Variants in CD44 observed in about 807,000 individuals in gnomAD.
CD44 encodes the protein CD44 antigen.
In CD44, 49 loss-of-function variants were observed where a neutral mutation model predicts 88.8. The ratio of observed to expected loss-of-function variants is 0.55; its 90% CI spans 0.44 to 0.70. The LOEUF (loss-of-function observed/expected upper bound fraction) is 0.70. Among genes scored for constraint, CD44 ranks in the 30% least tolerant of loss-of-function variants. The pLI, the probability that CD44 is intolerant of heterozygous loss-of-function variation, is 0.00. For synonymous variants in CD44, 325 were observed against 312.3 expected, an observed-to-expected ratio of 1.04 and a Z score of -0.43; for missense variants, 883 against 913.8, an observed-to-expected ratio of 0.97 and a Z score of 0.43.
chr11:35,195,175 G>C (rs1946617298), intron 5 of CD44, among the ~76,000 whole-genome samples: 1 of 152,188 alleles, frequency 6.6e-6, no homozygotes, highest in Non-Finnish European at 1.5e-5. Flanking sequence ...GTAAATATGG[G>C]AGATTACAAG....
At position 35,191,073 on chromosome 11, in the gene CD44, C is replaced by T. The variant is rs147294420; in HGVS notation, c.667+1008C>T. On this transcript the variant is annotated intron_variant, in intron 5 of 17. Transcript: ENST00000428726. ...AATCAAACTCAAATAGGGCATCTGC[C>T]TCTGGAGCGGTTTTCCTAGTATGGT... Among the ~76,000 whole-genome samples, 765 of 152,296 alleles carry T rather than the reference C, an allele frequency of 5.0e-3. 5 individuals carry two copies. The highest frequency in any genetic ancestry group is 0.018 in the African/African-American group (729 of 41,562).
chr11:35,169,861 G>A (rs1943687587), intron 1 of CD44, among the ~76,000 whole-genome samples: 2 of 152,214 alleles, frequency 1.3e-5, no homozygotes, highest in African/African-American at 4.8e-5. Flanking sequence ...GTAACCAGGA[G>A]CCTGAATAGG....
intron 15 of CD44, 182 bp from the exon 16 acceptor site, chr11:35,219,134 C>T (rs1565155207): frequency 1.7e-6 from 1 of 601,924 alleles, no homozygotes; most frequent in South Asian, 1.9e-5. Context: ...AAGCCTTAGC[C>T]TTAATCAAAT....
chr11:35,209,983 G>A lies in CD44; in HGVS notation c.1535G>A (p.Ser512Asn). Residue 512 changes from serine (S) to asparagine (N), a missense_variant, in exon 13 of 18, where the codon AGC becomes AAC. By Grantham distance (46) the Ser-to-Asn change is conservative. Transcript: ENST00000428726. ...SMTTQQSNSQ[S>N]FSTSHEGLEE... ...GAAACAGAGCAGAGTAATTCTCAGA[G>A]CTTCTCTACATCACATGAAGGCTTG... The A allele has an allele frequency of 3.2e-6, 5 of 1,576,752 alleles. No homozygotes were observed. The highest frequency in any genetic ancestry group is 4.3e-6 in the Non-Finnish European group (5 of 1,164,540).
intron 17 of CD44, among the ~76,000 whole-genome samples, chr11:35,223,896 A>G (rs185734702): frequency 9.8e-5 from 15 of 152,326 alleles, no homozygotes; most frequent in Admixed American, 9.8e-4. Flanking sequence ...TTGGTTGAAA[A>G]TGGGGCCTCC....
Position 35,189,842 on chromosome 11 carries a change from T to C in CD44, c.444T>C (p.Val148=). ...AFDGPITITI[V]NRDGTRYVQK... The stretch of plus-strand genomic sequence containing the variant: ...ACCTTTTCTCTCTCCCAGCTATTGT[T>C]AACCGTGATGGCACCCGCTATGTCC... Residue 148 remains valine (V), a synonymous_variant, in exon 5 of 18, where the codon GTT becomes GTC. Transcript: ENST00000428726. 6.2e-7 allele frequency: 1 copy of C among 1,612,458 alleles called. No homozygotes were observed. Among genetic ancestry groups the C allele is most frequent in the Non-Finnish European group, 8.5e-7 (1 of 1,178,798 alleles).
intron 4 of CD44, among the ~76,000 whole-genome samples, chr11:35,189,162 T>C (rs1330285876): frequency 5.9e-5 from 9 of 152,316 alleles, no homozygotes; most frequent in African/African-American, 2.2e-4. Flanking sequence ...AAACCACAGA[T>C]GTTGATCTTC....
At chr11:35,155,970 C>G (rs941262832) in intron 1 of CD44, among the ~76,000 whole-genome samples, 1 of 152,152 alleles carries the variant, frequency 6.6e-6, no homozygotes, top group African/African-American at 2.4e-5. Flanking sequence ...ATGACTTCTG[C>G]AAGGTTATGA....
Position 35,154,692 on chromosome 11 carries a change from T to C in CD44, c.67+15322T>C, listed in dbSNP as rs939133600. 7.9e-5 allele frequency among the ~76,000 whole-genome samples: 12 copies of C among 152,200 alleles called. No homozygotes were observed. The South Asian group carries it at 8.3e-4, about 10-fold the overall frequency. On this transcript the variant is annotated intron_variant, in intron 1 of 17. Coordinates refer to ENST00000428726, the MANE Select transcript of CD44 (RefSeq NM_000610.4). Reference sequence around the variant, plus strand: ...GGCAGGAGAGACAGAGATGGAGTTATAGGTATCATGATTGAACTTAAGCTA... The same window carrying C: ...GGCAGGAGAGACAGAGATGGAGTTACAGGTATCATGATTGAACTTAAGCTA...
chr11:35,165,995 A>G (rs930049820), intron 1 of CD44, among the ~76,000 whole-genome samples: 2 of 152,242 alleles, frequency 1.3e-5, no homozygotes, highest in Admixed American at 6.5e-5. Context: ...CAGAAACTGT[A>G]TATTGATTAG....
chr11:35,226,483 G>A (rs1228353044), intron 17 of CD44, among the ~76,000 whole-genome samples: 3 of 152,178 alleles, frequency 2.0e-5, no homozygotes, highest in Admixed American at 6.5e-5. Context: ...AAATAATAAC[G>A]AGGTAGGTGG....
At chr11:35,205,041 TG>T in intron 10 of CD44, 1 of 160,320 alleles carries the variant, frequency 6.2e-6, no homozygotes, top group Non-Finnish European at 1.4e-5. Flanking sequence ...GAAAGCATTT[TG>T]TCAGAACTCC....
At position 35,181,218 on chromosome 11, in the gene CD44, T is replaced by C. The variant is rs77960794; in HGVS notation, c.367+811T>C. On this transcript the variant is annotated intron_variant, in intron 3 of 17. Coordinates refer to ENST00000428726, the MANE Select transcript of CD44 (RefSeq NM_000610.4). ...GTATATGGTATGCCTTTGACCTTCT[T>C]AAATATCCCTTACCCAACAGTTGAA... 9.4e-3 allele frequency among the ~76,000 whole-genome samples: 1,436 copies of C among 152,216 alleles called. 7 individuals are homozygous for C. Among genetic ancestry groups the C allele is most frequent in the Non-Finnish European group, 0.015 (1,030 of 68,012 alleles).
intron 2 of CD44, among the ~76,000 whole-genome samples, chr11:35,178,148 T>G (rs1944648036): frequency 6.6e-6 from 1 of 152,226 alleles, no homozygotes. Flanking sequence ...CAAGGCTAAT[T>G]GTTTAATTAT....
chr11:35,180,321 A>T lies in CD44; in HGVS notation c.281A>T (p.Asn94Ile), dbSNP rs1201145366. 1 of 1,613,980 alleles carries T rather than the reference A, an allele frequency of 6.2e-7. No individual in the cohort carries two copies. Among genetic ancestry groups the T allele is most frequent in the Non-Finnish European group, 8.5e-7 (1 of 1,179,952 alleles). The part of the protein sequence containing the change: ...GHVVIPRIHP[N>I]SICAANNTGV... Reference sequence around the variant, plus strand: ...GTGGTGATTCCCCGGATCCACCCCAACTCCATCTGTGCAGCAAACAACACA... The same window carrying T: ...GTGGTGATTCCCCGGATCCACCCCATCTCCATCTGTGCAGCAAACAACACA... The change falls in exon 3 of 18, where the codon AAC (asparagine) becomes ATC (isoleucine). Residue 94 changes from asparagine (N) to isoleucine (I), a missense_variant. Asn to Ile is a moderately radical substitution (Grantham distance 149, BLOSUM62 -3). Around this residue, in one of 2 missense-constraint regions of CD44, gnomAD observed 252 missense variants for 322.9 expected, o/e 0.78. Transcript: ENST00000428726.
chr11:35,189,817 A>G lies in CD44; in HGVS notation c.437-18A>G. 3.9e-6 allele frequency: 6 copies of G among 1,545,922 alleles called. No homozygotes were observed. Among genetic ancestry groups the G allele is most frequent in the Non-Finnish European group, 4.5e-6 (5 of 1,120,798 alleles). On this transcript the variant is annotated intron_variant, in intron 4 of 17. Transcript: ENST00000428726. ...ATATGAGCTGTGAAGTTCTGTAAGT[A>G]CCTTTTCTCTCTCCCAGCTATTGTT...
At chr11:35,210,167 A>G in intron 13 of CD44, 113 bp downstream of exon 13, 1 of 596,232 alleles carries the variant, frequency 1.7e-6, no homozygotes, top group Non-Finnish European at 2.9e-6. Context: ...TTACACTGTT[A>G]CTTTTAATCA....
At chr11:35,163,535 A>G (rs1344457355) in intron 1 of CD44, among the ~76,000 whole-genome samples, 2 of 152,208 alleles carry the variant, frequency 1.3e-5, no homozygotes, top group South Asian at 2.1e-4. Flanking sequence ...TTAGAGGACT[A>G]TACTAGTCAG....
chr11:35,181,696 ATT>A (rs1945014493), intron 3 of CD44, among the ~76,000 whole-genome samples: 3 of 135,630 alleles, frequency 2.2e-5, no homozygotes, highest in Admixed American at 8.3e-5. Context: ...ATATATATTT[ATT>A]TATATATATT....
Sources: gnomAD v4.1 joint callset for allele counts (sites outside exome capture counted in the v4.1 genomes callset) on GRCh38, gnomAD v4.1.1 for gene constraint, gnomAD v4.1.1 regional missense constraint, MANE v1.5 for transcripts, NCBI Gene and HGNC (gene_info 2026-07-23, HGNC 2026-07-21) for gene names.